The following MLLT3 variants were observed in gnomAD, a reference collection of about 807,000 sequenced individuals.
MLLT3 encodes the protein protein AF-9.
A neutral mutation model predicts 53.2 loss-of-function variants in MLLT3; 4 were observed. That is an observed-to-expected ratio of 0.08 (90% CI 0.04 to 0.17). MLLT3 has a LOEUF of 0.17. Ranked by LOEUF, MLLT3 falls within the 10% of genes least tolerant of loss-of-function variation. The pLI, the probability that MLLT3 is intolerant of heterozygous loss-of-function variation, is 1.00. For missense variants in MLLT3, 569 were observed against 684.0 expected, an observed-to-expected ratio of 0.83 and a Z score of 1.87; for synonymous variants, 283 against 230.6, an observed-to-expected ratio of 1.23 and a Z score of -2.06.
intron 2 of MLLT3, among the ~76,000 whole-genome samples, chr9:20,493,319 G>C (rs972646767): frequency 6.6e-6 from 1 of 151,892 alleles, no homozygotes; most frequent in Non-Finnish European, 1.5e-5. Flanking sequence ...TTTTCAACAG[G>C]TGTTTAAAAT....
intron 2 of MLLT3, among the ~76,000 whole-genome samples, chr9:20,600,134 A>AG (rs1820381075): frequency 2.1e-5 from 1 of 47,950 alleles, no homozygotes; most frequent in African/African-American, 8.0e-5. Flanking sequence ...CCAAAAAAAA[A>AG]AAACAAAAAA....
In MLLT3 at chr9:20,495,720, G is replaced by A. The variant is rs139079715; in HGVS notation, c.194-38934C>T. On this transcript the variant is annotated intron_variant, in intron 2 of 10. Transcript: ENST00000380338. Reference sequence around the variant, plus strand: ...TTGTCCTCTTTTTCAAGCCTAAGATGGGTCTTGTGGATGAAATCTATTTTT... The same window carrying A: ...TTGTCCTCTTTTTCAAGCCTAAGATAGGTCTTGTGGATGAAATCTATTTTT... 2.2e-4 allele frequency among the ~76,000 whole-genome samples: 33 copies of A among 152,162 alleles called. No individual in the cohort carries two copies. The East Asian group carries it at 6.4e-3, about 29-fold the overall frequency.
intron 2 of MLLT3, among the ~76,000 whole-genome samples, chr9:20,608,872 C>T (rs1027716418): frequency 6.6e-6 from 1 of 151,996 alleles, no homozygotes; most frequent in Non-Finnish European, 1.5e-5. Flanking sequence ...TGATATCCCA[C>T]GTCCCAGAGA....
intron 5 of MLLT3, among the ~76,000 whole-genome samples, chr9:20,403,586 G>A (rs1258656907): frequency 4.6e-5 from 7 of 152,082 alleles, no homozygotes; most frequent in Admixed American, 4.6e-4. Flanking sequence ...CAGGAGGCTT[G>A]GTAAACAACA....
intron 5 of MLLT3, among the ~76,000 whole-genome samples, chr9:20,388,489 GAGGC>G (rs1225918973): frequency 6.6e-6 from 1 of 152,134 alleles, no homozygotes; most frequent in African/African-American, 2.4e-5. Context: ...TCGGGAGGCT[GAGGC>G]AGGAGAATGG....
intron 4 of MLLT3, among the ~76,000 whole-genome samples, chr9:20,425,150 T>C (rs1292323666): frequency 1.3e-5 from 2 of 152,198 alleles, no homozygotes; most frequent in Non-Finnish European, 2.9e-5. Context: ...CCAACTAATA[T>C]AGTTCTACAT....
intron 2 of MLLT3, among the ~76,000 whole-genome samples, chr9:20,488,378 TACC>T (rs570928352): frequency 6.6e-5 from 10 of 152,098 alleles, no homozygotes; most frequent in African/African-American, 1.7e-4. Flanking sequence ...TATATATTTT[TACC>T]ACAATAAAAA....
intron 4 of MLLT3, chr9:20,415,518 AAAG>A (rs1822849672): frequency 1.4e-6 from 1 of 728,376 alleles, no homozygotes; most frequent in South Asian, 6.2e-5. Context: ...ATCAATACTA[AAAG>A]AAGAGCTCTT....
At chr9:20,502,655 T>C (rs1366851662) in intron 2 of MLLT3, among the ~76,000 whole-genome samples, 4 of 152,360 alleles carry the variant, frequency 2.6e-5, no homozygotes, top group Non-Finnish European at 5.9e-5. Flanking sequence ...ATGTGTAGTA[T>C]ACAGGAGAAT....
At chr9:20,389,603 C>T (rs1822134720) in intron 5 of MLLT3, among the ~76,000 whole-genome samples, 1 of 151,754 alleles carries the variant, frequency 6.6e-6, no homozygotes, top group African/African-American at 2.4e-5. Context: ...AGTAGAACCC[C>T]ATCTCTACAA....
chr9:20,423,160 T>G (rs1823055737), intron 4 of MLLT3, among the ~76,000 whole-genome samples: 1 of 152,040 alleles, frequency 6.6e-6, no homozygotes, highest in Non-Finnish European at 1.5e-5. Flanking sequence ...CCCTTGCAAG[T>G]AGCTGTGGGA....
intron 4 of MLLT3, among the ~76,000 whole-genome samples, chr9:20,420,160 T>C (rs1413130300): frequency 6.6e-6 from 1 of 151,914 alleles, no homozygotes; most frequent in African/African-American, 2.4e-5. Context: ...AAATGGAAAA[T>C]GAATATCAAC....
chr9:20,597,437 C>A (rs1429190340), intron 2 of MLLT3, among the ~76,000 whole-genome samples: 1 of 151,900 alleles, frequency 6.6e-6, no homozygotes, highest in African/African-American at 2.4e-5. Flanking sequence ...CCTTGTCCCA[C>A]AAGTAATTTG....
At chr9:20,599,973 T>A (rs1194913950) in intron 2 of MLLT3, among the ~76,000 whole-genome samples, 1 of 152,062 alleles carries the variant, frequency 6.6e-6, no homozygotes, top group Non-Finnish European at 1.5e-5. Context: ...GCTAACCCAG[T>A]GAGTTCAGAA....
chr9:20,473,781 A>G (rs926495589), intron 2 of MLLT3, among the ~76,000 whole-genome samples: 1 of 152,176 alleles, frequency 6.6e-6, no homozygotes, highest in Non-Finnish European at 1.5e-5. Context: ...AAAACAAAGT[A>G]GCTGCAGACT....
At chr9:20,542,704 C>A (rs1249126746) in intron 2 of MLLT3, among the ~76,000 whole-genome samples, 1 of 152,134 alleles carries the variant, frequency 6.6e-6, no homozygotes, top group African/African-American at 2.4e-5. Context: ...TCTTAAGGAA[C>A]CTAGGATTTT....
chr9:20,532,921 C>A, intron 2 of MLLT3: 1 of 256,146 alleles, frequency 3.9e-6, no homozygotes. Flanking sequence ...AAGAAAGCTC[C>A]CAGCAAAGGG....
intron 2 of MLLT3, among the ~76,000 whole-genome samples, chr9:20,608,458 T>C (rs1820622654): frequency 6.6e-6 from 1 of 151,952 alleles, no homozygotes; most frequent in South Asian, 2.1e-4. Flanking sequence ...TATCTTTCTG[T>C]TACCAAGACT....
intron 5 of MLLT3, among the ~76,000 whole-genome samples, chr9:20,394,313 C>G (rs1307976674): frequency 1.3e-5 from 2 of 152,122 alleles, no homozygotes; most frequent in African/African-American, 2.4e-5. Flanking sequence ...TTCTTCCGAT[C>G]TGAACACAAA....
Sources: allele counts gnomAD v4.1 joint callset (sites outside exome capture counted in the v4.1 genomes callset), GRCh38; gene constraint gnomAD v4.1.1; transcripts MANE v1.5; gene names NCBI Gene and HGNC (gene_info 2026-07-23, HGNC 2026-07-21).